PARD3: variants seen among roughly 807,000 people sequenced by gnomAD.
PARD3 encodes par-3 family cell polarity regulator.
A neutral mutation model predicts 155.4 loss-of-function variants in PARD3; 75 were observed. The observed-to-expected ratio is 0.48, with a 90% CI of 0.40 to 0.58. The LOEUF (loss-of-function observed/expected upper bound fraction) is 0.58. Ranked by LOEUF, PARD3 falls within the 20% of genes least tolerant of loss-of-function variation. The pLI is 0.00. For missense variants in PARD3, 1,642 were observed against 1,721.7 expected, an observed-to-expected ratio of 0.95 and a Z score of 0.82; for synonymous variants, 576 against 610.5, an observed-to-expected ratio of 0.94 and a Z score of 0.83.
intron 2 of PARD3, among the ~76,000 whole-genome samples, chr10:34,640,656 C>CCAAGAA (rs2092641659): frequency 1.6e-5 from 2 of 126,284 alleles, no homozygotes; most frequent in South Asian, 5.2e-4. Flanking sequence ...CTGTGGTGAG[C>CCAAGAA]CAAGAAAGCG....
At chr10:34,740,851 ATT>A (rs1366543818) in intron 1 of PARD3, among the ~76,000 whole-genome samples, 3 of 152,080 alleles carry the variant, frequency 2.0e-5, no homozygotes, top group Non-Finnish European at 2.9e-5. Context: ...CAGTGGTTAA[ATT>A]TTTTTTAATG....
At chr10:34,320,547 C>T (rs561786226) in intron 19 of PARD3, among the ~76,000 whole-genome samples, 3 of 152,256 alleles carry the variant, frequency 2.0e-5, no homozygotes, top group Non-Finnish European at 2.9e-5. Flanking sequence ...GGGCATATGT[C>T]GGCTCTTGGC....
chr10:34,739,978 C>G (rs1446215200), intron 1 of PARD3, among the ~76,000 whole-genome samples: 1 of 152,070 alleles, frequency 6.6e-6, no homozygotes, highest in Non-Finnish European at 1.5e-5. Flanking sequence ...TACGGTTCAC[C>G]CTCCTACACA....
At chr10:34,397,137 T>C (rs1327154136) in intron 7 of PARD3, among the ~76,000 whole-genome samples, 1 of 152,192 alleles carries the variant, frequency 6.6e-6, no homozygotes, top group Non-Finnish European at 1.5e-5. Context: ...AGGTTTCTTA[T>C]GAAGTAACAG....
At chr10:34,406,838 A>G (rs967115845) in intron 5 of PARD3, among the ~76,000 whole-genome samples, 8 of 152,156 alleles carry the variant, frequency 5.3e-5, no homozygotes, top group Non-Finnish European at 1.0e-4. Context: ...AAAAATCTGT[A>G]GAAGAGGAAA....
At position 34,399,896 on chromosome 10, in the gene PARD3, A is replaced by T. The variant is rs148219213; in HGVS notation, c.807-483T>A. 3.8e-3 allele frequency among the ~76,000 whole-genome samples: 581 copies of T among 152,324 alleles called. 6 individuals carry two copies. Among genetic ancestry groups the T allele is most frequent in the African/African-American group, 0.013 (528 of 41,578 alleles). ...GCAGCTACAGAACACTTTCTAATTT[A>T]CAAAGTGCTCTTTTATATGTCACAT... On this transcript the variant is annotated intron_variant, in intron 6 of 24. Transcript: ENST00000374788.
At chr10:34,230,107 C>T (rs1952842501) in intron 22 of PARD3, among the ~76,000 whole-genome samples, 1 of 152,040 alleles carries the variant, frequency 6.6e-6, no homozygotes, top group African/African-American at 2.4e-5. Context: ...CTGGGGAGGC[C>T]CTGAGCTGAG....
intron 2 of PARD3, among the ~76,000 whole-genome samples, chr10:34,521,068 C>A (rs1484517336): frequency 6.6e-6 from 1 of 152,072 alleles, no homozygotes; most frequent in Admixed American, 6.6e-5. Context: ...AGAATCGAGT[C>A]CTTTCTGCAA....
chr10:34,321,849 T>C (rs1043364287), intron 19 of PARD3, among the ~76,000 whole-genome samples: 9 of 152,188 alleles, frequency 5.9e-5, no homozygotes, highest in South Asian at 2.1e-4. Context: ...TGGGTTTTCA[T>C]TGAAGTGCAA....
chr10:34,573,094 T>C (rs1365234073), intron 2 of PARD3, among the ~76,000 whole-genome samples: 1 of 152,210 alleles, frequency 6.6e-6, no homozygotes, highest in African/African-American at 2.4e-5. Flanking sequence ...GGCTCACATC[T>C]GTAATGCCAG....
At chr10:34,531,102 T>C (rs759774539) in intron 2 of PARD3, among the ~76,000 whole-genome samples, 16 of 152,218 alleles carry the variant, frequency 1.1e-4, no homozygotes, top group Non-Finnish European at 1.6e-4. Context: ...TTAGCAGCTT[T>C]GTAGATGAGG....
chr10:34,352,823 G>A (rs557890899), intron 14 of PARD3, among the ~76,000 whole-genome samples: 3 of 152,046 alleles, frequency 2.0e-5, no homozygotes, highest in South Asian at 2.1e-4. Flanking sequence ...GGGATGTGAC[G>A]AGCCCCTCTG....
chr10:34,226,252 A>C (rs537596899), intron 22 of PARD3, among the ~76,000 whole-genome samples: 1 of 152,356 alleles, frequency 6.6e-6, no homozygotes, highest in African/African-American at 2.4e-5. Context: ...GGCTATAATA[A>C]AAAGGATACA....
At chr10:34,552,210 C>T (rs1326423111) in intron 2 of PARD3, among the ~76,000 whole-genome samples, 1 of 152,158 alleles carries the variant, frequency 6.6e-6, no homozygotes, top group Non-Finnish European at 1.5e-5. Context: ...AGGGCTGTAG[C>T]AATCCTCCTG....
chr10:34,442,249 A>G (rs1367653623), intron 5 of PARD3, among the ~76,000 whole-genome samples: 1 of 152,202 alleles, frequency 6.6e-6, no homozygotes, highest in Non-Finnish European at 1.5e-5. Context: ...CCCACATCTT[A>G]ACTACTATCT....
At chr10:34,659,201 A>T (rs984055533) in intron 2 of PARD3, among the ~76,000 whole-genome samples, 4 of 152,168 alleles carry the variant, frequency 2.6e-5, no homozygotes, top group African/African-American at 9.7e-5. Context: ...CACAGGACAA[A>T]CCAACACATG....
chr10:34,559,866 G>C (rs926551235), intron 2 of PARD3, among the ~76,000 whole-genome samples: 2 of 152,192 alleles, frequency 1.3e-5, no homozygotes, highest in African/African-American at 4.8e-5. Flanking sequence ...AAATGGAGAA[G>C]GGCACAATGT....
chr10:34,432,071 A>AAAAAAAAAAAAAAT (rs2075960604), intron 5 of PARD3, among the ~76,000 whole-genome samples: 2 of 145,058 alleles, frequency 1.4e-5, no homozygotes, highest in Non-Finnish European at 3.0e-5. Flanking sequence ...AAAAAAAAAA[A>AAAAAAAAAAAAAAT]GAATGCAGAG....
intron 5 of PARD3, among the ~76,000 whole-genome samples, chr10:34,416,693 A>C (rs537704153): frequency 1.3e-5 from 2 of 152,336 alleles, no homozygotes; most frequent in South Asian, 4.1e-4. Flanking sequence ...ATTAACACTG[A>C]CATCCATTTG....
Sources: allele counts gnomAD v4.1 joint callset (sites outside exome capture counted in the v4.1 genomes callset), GRCh38; gene constraint gnomAD v4.1.1; transcripts MANE v1.5; gene names NCBI Gene and HGNC (gene_info 2026-07-23, HGNC 2026-07-21).